The following GAB1 variants were observed in gnomAD, a reference collection of about 807,000 sequenced individuals.
The protein encoded by GAB1 is GRB2 associated binding protein 1, also known as GRB2-associated-binding protein 1.
A neutral mutation model predicts 66.5 loss-of-function variants in GAB1; 19 were observed. The ratio of observed to expected loss-of-function variants is 0.29; its 90% confidence interval spans 0.20 to 0.42. GAB1 has a LOEUF of 0.42. Among genes scored for constraint, GAB1 ranks in the 10% least tolerant of loss-of-function variants. The pLI, the probability that GAB1 is intolerant of heterozygous loss-of-function variation, is 1.00. For synonymous variants in GAB1, 294 were observed against 301.4 expected, an observed-to-expected ratio of 0.98 and a Z score of 0.25; for missense variants, 732 against 858.5, an observed-to-expected ratio of 0.85 and a Z score of 1.84.
intron 1 of GAB1, among the ~76,000 whole-genome samples, chr4:143,406,612 C>T (rs1018357784): frequency 1.2e-4 from 18 of 152,220 alleles, no homozygotes; most frequent in African/African-American, 4.1e-4. Flanking sequence ...TGCCCACATC[C>T]TGACCTGAGC....
intron 1 of GAB1, among the ~76,000 whole-genome samples, chr4:143,414,372 G>A (rs1732567033): frequency 6.6e-6 from 1 of 152,150 alleles, no homozygotes; most frequent in Non-Finnish European, 1.5e-5. Flanking sequence ...GATTTAGGGA[G>A]GGTGATAGTA....
intron 1 of GAB1, among the ~76,000 whole-genome samples, chr4:143,403,050 G>A (rs943866572): frequency 2.0e-5 from 3 of 152,142 alleles, no homozygotes; most frequent in Non-Finnish European, 2.9e-5. Flanking sequence ...AGATGAGTGT[G>A]TAAGTTATCT....
chr4:143,345,629 A>G (rs952869556), intron 1 of GAB1, among the ~76,000 whole-genome samples: 4 of 152,218 alleles, frequency 2.6e-5, no homozygotes, highest in African/African-American at 7.2e-5. Context: ...GAAAGCATCA[A>G]ACTTCCATTT....
intron 6 of GAB1, among the ~76,000 whole-genome samples, chr4:143,456,732 C>T (rs1735213445): frequency 6.6e-6 from 1 of 152,078 alleles, no homozygotes; most frequent in South Asian, 2.1e-4. Context: ...AGCACTTAAC[C>T]AGCAAATTCT....
intron 1 of GAB1, among the ~76,000 whole-genome samples, chr4:143,384,214 A>G (rs1730789783): frequency 6.6e-6 from 1 of 152,236 alleles, no homozygotes; most frequent in African/African-American, 2.4e-5. Flanking sequence ...AGACTTGTTT[A>G]TTCTTTGCTG....
At chr4:143,352,486 G>C (rs1360161433) in intron 1 of GAB1, among the ~76,000 whole-genome samples, 4 of 152,196 alleles carry the variant, frequency 2.6e-5, no homozygotes, top group Non-Finnish European at 4.4e-5. Flanking sequence ...TTATAGCTTG[G>C]CAGAGTCCTT....
intron 1 of GAB1, among the ~76,000 whole-genome samples, chr4:143,401,568 T>C (rs1578658549): frequency 6.6e-6 from 1 of 152,340 alleles, no homozygotes; most frequent in East Asian, 1.9e-4. Flanking sequence ...GCATTTTCTT[T>C]ATGGGTTTCA....
At chr4:143,463,243 A>C (rs1349653469) in intron 8 of GAB1, among the ~76,000 whole-genome samples, 2 of 152,186 alleles carry the variant, frequency 1.3e-5, no homozygotes, top group African/African-American at 2.4e-5. Flanking sequence ...AATGATGGTA[A>C]ACCATAACTA....
intron 1 of GAB1, among the ~76,000 whole-genome samples, chr4:143,353,960 T>C (rs968592481): frequency 2.0e-5 from 3 of 152,184 alleles, no homozygotes; most frequent in Admixed American, 1.3e-4. Flanking sequence ...TGAGGATCAT[T>C]ATTGTTATTG....
At chr4:143,372,653 G>C (rs1730181628) in intron 1 of GAB1, among the ~76,000 whole-genome samples, 1 of 152,208 alleles carries the variant, frequency 6.6e-6, no homozygotes, top group South Asian at 2.1e-4. Context: ...GGCCATGTTA[G>C]AGAGGTCATG....
intron 2 of GAB1, chr4:143,425,505 C>T (rs1733296326): frequency 2.6e-6 from 2 of 761,916 alleles, no homozygotes; most frequent in African/African-American, 1.7e-5. Flanking sequence ...AGATTCTCCT[C>T]TGTGCCATGT....
chr4:143,391,520 G>A (rs1215509948), intron 1 of GAB1: 2 of 152,138 alleles, frequency 1.3e-5, no homozygotes, highest in African/African-American at 4.8e-5. Flanking sequence ...CAAGGACAAA[G>A]TACACTGGCT....
chr4:143,363,631 G>A (rs1729752256), intron 1 of GAB1, among the ~76,000 whole-genome samples: 1 of 152,200 alleles, frequency 6.6e-6, no homozygotes, highest in African/African-American at 2.4e-5. Context: ...CGCCTCTGTA[G>A]TTTGAAATCA....
chr4:143,426,831 AATAC>A (rs1733384658), intron 2 of GAB1, among the ~76,000 whole-genome samples: 1 of 152,340 alleles, frequency 6.6e-6, no homozygotes. Context: ...ATTATAGTTA[AATAC>A]ATAAAGGCAT....
Position 143,438,157 on chromosome 4 carries a change from C to A in GAB1, c.752C>A (p.Ser251Tyr). 1 of 1,614,068 alleles carries A rather than the reference C, an allele frequency of 6.2e-7. No individual in the cohort carries two copies. ...IYDSPPSRAP[S>Y]ASVDSSLYNL... is the part of the protein sequence containing the mutation. ...GACTCTCCACCTTCACGTGCCCCAT[C>A]TGCTTCAGTTGACTCCAGCCTTTAT... Residue 251 changes from serine to tyrosine, a missense_variant, in exon 4 of 10, where the codon TCT becomes TAT. By Grantham distance (144) the Ser-to-Tyr change is moderately radical. Transcript: ENST00000262994.
intron 1 of GAB1, among the ~76,000 whole-genome samples, chr4:143,408,628 G>T (rs3792651): frequency 1.3e-5 from 2 of 152,104 alleles, no homozygotes; most frequent in Non-Finnish European, 2.9e-5. Flanking sequence ...TTATTGTGTA[G>T]ATGTCCCATA....
chr4:143,350,201 C>G (rs72947118), intron 1 of GAB1: 35,008 of 618,046 alleles, frequency 0.057, 1,733 homozygotes, highest in African/African-American at 0.19. Flanking sequence ...ATCATGGGCC[C>G]CAAGCACTGT....
intron 1 of GAB1, among the ~76,000 whole-genome samples, chr4:143,347,852 C>T (rs1185313796): frequency 6.6e-6 from 1 of 152,236 alleles, no homozygotes; most frequent in Non-Finnish European, 1.5e-5. Flanking sequence ...GGAGTAAGAT[C>T]TGATTTCTGT....
intron 6 of GAB1, among the ~76,000 whole-genome samples, chr4:143,444,423 A>G (rs1361443650): frequency 6.6e-6 from 1 of 152,150 alleles, no homozygotes; most frequent in African/African-American, 2.4e-5. Context: ...CACTTTGGTT[A>G]AAGTACCTTC....
Sources: gnomAD v4.1 joint callset for allele counts (sites outside exome capture counted in the v4.1 genomes callset) on GRCh38, gnomAD v4.1.1 for gene constraint, MANE v1.5 for transcripts, NCBI Gene and HGNC (gene_info 2026-07-23, HGNC 2026-07-21) for gene names.